Variants in MAD1L1 observed in about 807,000 individuals in gnomAD.
MAD1L1 encodes the protein mitotic spindle assembly checkpoint protein MAD1.
In MAD1L1, 95 loss-of-function variants were observed where a neutral mutation model predicts 96.9. That is an observed-to-expected ratio of 0.98 (90% CI 0.83 to 1.16). MAD1L1 has a LOEUF of 1.16. Among genes scored for constraint, MAD1L1 ranks in the 50% most tolerant of loss-of-function variants. The pLI is 0.00. For missense variants in MAD1L1, 1,007 were observed against 954.4 expected, an observed-to-expected ratio of 1.06 and a Z score of -0.73; for synonymous variants, 473 against 396.6, an observed-to-expected ratio of 1.19 and a Z score of -2.29.
rs188352418 is a variant in MAD1L1, at chr7:1,884,225, C to T, written c.1998+13975G>A. 3.4e-3 allele frequency among the ~76,000 whole-genome samples: 519 copies of T among 152,358 alleles called. 1 individual carries two copies. Among genetic ancestry groups the T allele is most frequent in the Non-Finnish European group, 5.4e-3 (369 of 68,030 alleles). On this transcript the variant is annotated intron_variant, in intron 18 of 18. Transcript: ENST00000265854. The stretch of plus-strand genomic sequence containing the variant: ...TGGCACAGCCCTGCTCGCAGCTGCC[C>T]TGGCTGAAGAGACGTGGCCACCCAC...
intron 18 of MAD1L1, among the ~76,000 whole-genome samples, chr7:1,853,283 C>T (rs555051374): frequency 7.2e-5 from 11 of 152,160 alleles, no homozygotes; most frequent in African/African-American, 2.4e-4. Context: ...ACAGGCCTGG[C>T]GAGAAGGCCC....
chr7:2,109,750 T>C (rs1584343643), intron 11 of MAD1L1: 1 of 152,256 alleles, frequency 6.6e-6, no homozygotes, highest in Non-Finnish European at 1.5e-5. Context: ...TGCAATAATA[T>C]ACATTTTTTA....
chr7:1,821,492 A>G (rs1413553068), intron 18 of MAD1L1, among the ~76,000 whole-genome samples: 2 of 152,134 alleles, frequency 1.3e-5, no homozygotes, highest in Non-Finnish European at 2.9e-5. Context: ...ACAAAGAAAA[A>G]TAAGTATCAG....
intron 18 of MAD1L1, among the ~76,000 whole-genome samples, chr7:1,831,902 C>T (rs990807522): frequency 2.6e-5 from 4 of 152,204 alleles, no homozygotes; most frequent in Non-Finnish European, 5.9e-5. Flanking sequence ...AATATTATTG[C>T]TCACTGACAA....
chr7:1,842,450 T>C (rs1055644220), intron 18 of MAD1L1, among the ~76,000 whole-genome samples: 1 of 152,250 alleles, frequency 6.6e-6, no homozygotes, highest in Admixed American at 6.5e-5. Context: ...AGGGCAACTC[T>C]TGGCAGCTGG....
chr7:1,948,463 AC>A (rs1363506869), intron 16 of MAD1L1, among the ~76,000 whole-genome samples: 2 of 152,154 alleles, frequency 1.3e-5, no homozygotes, highest in African/African-American at 4.8e-5. Context: ...CGTCTGCCAA[AC>A]CAGTGGAGCC....
intron 10 of MAD1L1, among the ~76,000 whole-genome samples, chr7:2,166,378 G>C (rs778589328): frequency 1.4e-4 from 22 of 152,160 alleles, no homozygotes; most frequent in Non-Finnish European, 2.9e-4. Context: ...AGGATCTCAA[G>C]GGCTTCAAAG....
chr7:1,825,790 G>A (rs1475119161), intron 18 of MAD1L1, among the ~76,000 whole-genome samples: 1 of 152,196 alleles, frequency 6.6e-6, no homozygotes, highest in Non-Finnish European at 1.5e-5. Context: ...TGGGTAATGT[G>A]TGCTCTCATC....
At chr7:1,871,853 GTGGAGGGGACA>G (rs1785127985) in intron 18 of MAD1L1, among the ~76,000 whole-genome samples, 1 of 152,230 alleles carries the variant, frequency 6.6e-6, no homozygotes, top group Non-Finnish European at 1.5e-5. Flanking sequence ...CAGAGGAGAT[GTGGAGGGGACA>G]TGGAGGGGAC....
intron 14 of MAD1L1, among the ~76,000 whole-genome samples, chr7:1,988,666 G>C (rs1781269943): frequency 6.6e-6 from 1 of 152,230 alleles, no homozygotes. Context: ...GCACAGCGTG[G>C]CTGGGGAGGG....
intron 17 of MAD1L1, among the ~76,000 whole-genome samples, chr7:1,904,363 G>A (rs1222376730): frequency 7.9e-5 from 11 of 139,806 alleles, no homozygotes; most frequent in East Asian, 4.4e-4. Flanking sequence ...AGTGGCCTAT[G>A]GAAGACGCTC....
intron 18 of MAD1L1, among the ~76,000 whole-genome samples, chr7:1,850,654 T>C (rs1046931690): frequency 6.6e-6 from 1 of 152,080 alleles, no homozygotes; most frequent in African/African-American, 2.4e-5. Context: ...CCCAAAGCCA[T>C]GGTTGCCCAA....
chr7:1,945,749 G>A (rs1167676748), intron 16 of MAD1L1, among the ~76,000 whole-genome samples: 2 of 152,214 alleles, frequency 1.3e-5, no homozygotes, highest in African/African-American at 2.4e-5. Flanking sequence ...GTAAGGTGGC[G>A]GCGCTGGGCC....
At chr7:1,948,638 C>T (rs959724134) in intron 16 of MAD1L1, among the ~76,000 whole-genome samples, 19 of 152,208 alleles carry the variant, frequency 1.2e-4, no homozygotes, top group Admixed American at 6.5e-4. Flanking sequence ...AGGGGCTCCT[C>T]CCATGACACC....
At chr7:2,174,349 T>C (rs1170539844) in intron 10 of MAD1L1, among the ~76,000 whole-genome samples, 1 of 152,148 alleles carries the variant, frequency 6.6e-6, no homozygotes, top group Non-Finnish European at 1.5e-5. Context: ...CTTCTGAAGG[T>C]GTGTAGGATG....
intron 10 of MAD1L1, among the ~76,000 whole-genome samples, chr7:2,195,063 G>C (rs1438112892): frequency 6.6e-6 from 1 of 151,546 alleles, no homozygotes; most frequent in Non-Finnish European, 1.5e-5. Flanking sequence ...ACTCCAGCCT[G>C]GGCAACACAG....
At chr7:1,899,773 C>T (rs1554288418) in intron 17 of MAD1L1, among the ~76,000 whole-genome samples, 1 of 152,160 alleles carries the variant, frequency 6.6e-6, no homozygotes, top group Non-Finnish European at 1.5e-5. Context: ...GGAGTTTGTG[C>T]ACAGCGGCCC....
Position 2,230,093 on chromosome 7 carries a change from A to C in MAD1L1, c.41T>G (p.Leu14Arg). The part of the protein sequence containing the change: ...LGENTMVLST[L>R]RSLNNFISQR... ...AGAGATGAAGTTGTTCAAAGATCTCAGGGTGGATAAAACCATGGTGTTTTC... is the reference window on the plus strand; with the variant it reads ...AGAGATGAAGTTGTTCAAAGATCTCCGGGTGGATAAAACCATGGTGTTTTC... Residue 14 changes from leucine to arginine, a missense_variant, in exon 3 of 19, where the codon CTG becomes CGG. Physicochemically the swap from Leu to Arg is moderately radical, Grantham distance 102. Coordinates refer to ENST00000265854, the MANE Select transcript of MAD1L1 (RefSeq NM_001013836.2). 6.2e-7 allele frequency: 1 copy of C among 1,608,844 alleles called. No individual in the cohort carries two copies. Among genetic ancestry groups the C allele is most frequent in the Non-Finnish European group, 8.5e-7 (1 of 1,177,452 alleles).
chr7:2,142,484 T>C lies in MAD1L1; in HGVS notation c.1073+6668A>G, dbSNP rs1374546171. On this transcript the variant is annotated intron_variant, in intron 11 of 18. Transcript: ENST00000265854. The surrounding 1 kb of genome is among the most constrained non-coding windows in gnomAD (Gnocchi z 4.7). The stretch of plus-strand genomic sequence containing the variant: ...GGGGCAGAGGGGGACAGGAGCAGGA[T>C]ACAGACAGATCACGCGGGTTCTCTG... Among the ~76,000 whole-genome samples the C allele has an allele frequency of 6.6e-6, 1 of 152,172 alleles. No homozygotes were observed. The highest frequency in any genetic ancestry group is 2.4e-5 in the African/African-American group (1 of 41,434).
Sources: allele counts gnomAD v4.1 joint callset (sites outside exome capture counted in the v4.1 genomes callset), GRCh38; gene constraint gnomAD v4.1.1; non-coding constraint Gnocchi (gnomAD v3.1); transcripts MANE v1.5; gene names NCBI Gene and HGNC (gene_info 2026-07-23, HGNC 2026-07-21).